CYP17A1: variants seen among roughly 807,000 people sequenced by gnomAD.
CYP17A1 encodes the protein steroid 17-alpha-hydroxylase/17,20 lyase.
CYP17A1 carries 27 observed loss-of-function variants against 38.5 expected under a neutral mutation model. The ratio of observed to expected loss-of-function variants is 0.70; its 90% CI spans 0.52 to 0.97. The LOEUF (loss-of-function observed/expected upper bound fraction) is 0.97, where lower values mean the gene tolerates loss of function less well. CYP17A1 is among the 50% of genes least tolerant of loss of function. The probability of loss-of-function intolerance (pLI) is 0.00; values close to 1 mark genes in which losing one functional copy is unlikely to be tolerated. For synonymous variants in CYP17A1, 263 were observed against 253.3 expected, an observed-to-expected ratio of 1.04 and a Z score of -0.36; for missense variants, 549 against 645.9, an observed-to-expected ratio of 0.85 and a Z score of 1.63.
Position 102,834,074 on chromosome 10 carries a change from G to T in CYP17A1, c.715C>A (p.Arg239=). ...LEKLKSHVKI[R]NDLLNKILEN... ...AGTATTTTATTCAGCAGATCATTTC[G>T]TATTTTAACATGGCTCTTTAATTTT... The change falls in exon 4 of 8, where the codon CGA becomes AGA. Residue 239 remains arginine (R), a synonymous_variant. Coordinates refer to ENST00000369887, the MANE Select transcript of CYP17A1 (RefSeq NM_000102.4). 2 of 1,334,956 alleles carry T rather than the reference G, an allele frequency of 1.5e-6. No homozygotes were observed. The highest frequency in any genetic ancestry group is 2.2e-6 in the Non-Finnish European group (2 of 925,102). The allele number at this position is 1,334,956 out of a possible 1,614,324, so 82.7% of individuals were successfully genotyped here. A position where few individuals can be genotyped will look rare whatever the true frequency, so the allele number is the denominator to read the frequency against.
chr10:102,832,585 G>T lies in CYP17A1; in HGVS notation c.1065C>A (p.Ala355=). The part of the protein sequence containing the change: ...SDRNRLLLLE[A]TIREVLRLRP... ...TGAGGCGAAGCACCTCTCGGATGGT[G>T]GCCTCCAGCAGGAGGAGACGGTTAC... Residue 355 remains alanine (A), a synonymous_variant, in exon 6 of 8, where the codon GCC becomes GCA. Coordinates refer to ENST00000369887, the MANE Select transcript of CYP17A1 (RefSeq NM_000102.4). 1.2e-6 allele frequency: 2 copies of T among 1,605,400 alleles called. No homozygotes were observed. Among genetic ancestry groups the T allele is most frequent in the Non-Finnish European group, 1.7e-6 (2 of 1,171,956 alleles).
In CYP17A1 at chr10:102,834,045, T is replaced by G; in HGVS notation, c.744A>C (p.Glu248Asp). Residue 248 changes from glutamate (E) to aspartate (D), a missense_variant, in exon 4 of 8, where the codon GAA becomes GAC. Transcript: ENST00000369887. ...IRNDLLNKIL[E>D]NYKEKFRSDS... ...CTGCTCTATCACCTACCTTGTAATT[T>G]TCAAGTATTTTATTCAGCAGATCAT... 6.9e-6 allele frequency: 8 copies of G among 1,159,346 alleles called. No homozygotes were observed. The highest frequency in any genetic ancestry group is 1.0e-5 in the Non-Finnish European group (8 of 764,204). 71.8% of individuals were successfully genotyped at this position (1,159,346 alleles called of 1,614,324 possible). A position where few individuals can be genotyped will look rare whatever the true frequency, so the allele number is the denominator to read the frequency against.
At chr10:102,836,036 C>A (rs1440830102) in intron 1 of CYP17A1, among the ~76,000 whole-genome samples, 3 of 152,160 alleles carry the variant, frequency 2.0e-5, no homozygotes, top group Non-Finnish European at 2.9e-5. Flanking sequence ...CCCTGAAGAT[C>A]CACATGACTA....
At position 102,834,096 on chromosome 10, in the gene CYP17A1, T is replaced by C; in HGVS notation, c.693A>G (p.Lys231=). ...LKIFPNKTLE[K]LKSHVKIRND... is the part of the protein sequence containing the mutation. ...TTCGTATTTTAACATGGCTCTTTAA[T>C]TTTTCCAGGGTTTTGTTGGGGAAAA... is the stretch of plus-strand genomic sequence containing the variant. The change falls in exon 4 of 8, where the codon AAA becomes AAG. Residue 231 remains lysine, a synonymous_variant. Transcript: ENST00000369887. 3 of 1,326,142 alleles carry C rather than the reference T, an allele frequency of 2.3e-6. No homozygotes were observed. The South Asian group carries it at 3.5e-5, about 16-fold the overall frequency. The allele number at this position is 1,326,142 out of a possible 1,614,324, so 82.1% of individuals were successfully genotyped here. A position where few individuals can be genotyped will look rare whatever the true frequency, so the allele number is the denominator to read the frequency against.
intron 4 of CYP17A1, 164 bp downstream of exon 4, chr10:102,833,872 G>A (rs768934024): frequency 2.9e-5 from 17 of 594,400 alleles, no homozygotes; most frequent in Admixed American, 1.4e-4. Context: ...GATTACAGGC[G>A]TGAGCCACCG....
chr10:102,833,328 T>A, intron 4 of CYP17A1, 120 bp from the exon 5 acceptor site: 1 of 1,573,330 alleles, frequency 6.4e-7, no homozygotes, highest in Non-Finnish European at 8.6e-7. Flanking sequence ...GTAGAGCAAG[T>A]CTGGGCAGGA....
chr10:102,835,700 C>T (rs1844153950), intron 1 of CYP17A1: 2 of 413,610 alleles, frequency 4.8e-6, no homozygotes, highest in South Asian at 2.1e-5. Context: ...TCTTTTTGCT[C>T]ATCAGTTTCT....
chr10:102,837,221 G>A lies in CYP17A1; in HGVS notation c.141C>T (p.Gly47=), dbSNP rs373956023. 1.2e-6 allele frequency: 2 copies of A among 1,609,512 alleles called. No individual in the cohort carries two copies. The highest frequency in any genetic ancestry group is 8.5e-7 in the Non-Finnish European group (1 of 1,175,798). Residue 47 remains glycine, a synonymous_variant, in exon 1 of 8, where the codon GGC becomes GGT. Transcript: ENST00000369887. The part of the protein sequence containing the change: ...VGSLPFLPRH[G]HMHNNFFKLQ... ...GCTTGAAGAAGTTGTTATGCATATG[G>A]CCGTGTCTGGGGAGGAATGGCAGGC... is the stretch of plus-strand genomic sequence containing the variant.
intron 6 of CYP17A1, among the ~76,000 whole-genome samples, chr10:102,832,077 T>C (rs1844097235): frequency 1.3e-5 from 2 of 151,808 alleles, no homozygotes; most frequent in African/African-American, 4.8e-5. Context: ...ATTTAATTAA[T>C]TAATTATTTA....
At chr10:102,831,369 T>A (rs1426280350) in intron 7 of CYP17A1, 139 bp downstream of exon 7, 1 of 1,395,130 alleles carries the variant, frequency 7.2e-7, no homozygotes, top group Non-Finnish European at 9.8e-7. Context: ...TATGGCAGGA[T>A]GAGGGTGTCA....
At position 102,837,119 on chromosome 10, in the gene CYP17A1, C is replaced by A. The variant is rs759770001; in HGVS notation, c.243G>T (p.Leu81=). ...CCTTCTTAATAAGCACCTCCTTGGC[C>A]AGCTGGTGGTGGCCGACAATCACTG... The part of the protein sequence containing the change: ...KTTVIVGHHQ[L]AKEVLIKKGK... Residue 81 remains leucine (L), a synonymous_variant, in exon 1 of 8, where the codon CTG becomes CTT. Transcript: ENST00000369887. 1 of 1,607,846 alleles carries A rather than the reference C, an allele frequency of 6.2e-7. No individual in the cohort carries two copies. Among genetic ancestry groups the A allele is most frequent in the South Asian group, 1.1e-5 (1 of 90,970 alleles).
In CYP17A1 at chr10:102,832,441, G is replaced by A; in HGVS notation, c.1139+70C>T. Reference sequence around the variant, plus strand: ...GGCCAGCAGGGGCCGGGGGTAGGGGGAGCCAGGTGGGCTGGCAAGCAGTGT... The same window carrying A: ...GGCCAGCAGGGGCCGGGGGTAGGGGAAGCCAGGTGGGCTGGCAAGCAGTGT... On this transcript the variant is annotated intron_variant, in intron 6 of 7. Coordinates refer to ENST00000369887, the MANE Select transcript of CYP17A1 (RefSeq NM_000102.4). The A allele has an allele frequency of 2.9e-6, 3 of 1,019,172 alleles. No individual in the cohort carries two copies. In the South Asian group the frequency reaches 3.8e-5, roughly 13 times the overall value. 63.1% of individuals were successfully genotyped at this position (1,019,172 alleles called of 1,614,324 possible).
In CYP17A1 at chr10:102,835,389, T is replaced by C; in HGVS notation, c.301A>G (p.Thr101Ala). The C allele has an allele frequency of 6.2e-7, 1 of 1,611,822 alleles. No homozygotes were observed. Among genetic ancestry groups the C allele is most frequent in the East Asian group, 2.2e-5 (1 of 44,864 alleles). Residue 101 changes from threonine (T) to alanine (A), a missense_variant, in exon 2 of 8, where the codon ACT (threonine) becomes GCT (alanine). Around this residue, in one of 3 missense-constraint regions of CYP17A1, gnomAD observed 289 missense variants for 320.9 expected, o/e 0.90. Transcript: ENST00000369887. ...CGGTTGTTGGACGCGATGTCTAGAG[T>C]TGCCTTTAGAGAGCAGGCAAGGCTG... ...KDFSGRPQMA[T>A]LDIASNNRKG...
chr10:102,835,979 G>GC (rs1047075839), intron 1 of CYP17A1, among the ~76,000 whole-genome samples: 4 of 152,132 alleles, frequency 2.6e-5, no homozygotes, highest in Non-Finnish European at 4.4e-5. Flanking sequence ...TCCTAGAGGT[G>GC]CCCCCCAAAG....
rs777542976 is a variant in CYP17A1, at chr10:102,833,109, C to T, written c.853G>A (p.Glu285Lys). Residue 285 changes from glutamate to lysine, a missense_variant, in exon 5 of 8, where the codon GAG (glutamate) becomes AAG (lysine). Glu to Lys is a moderately conservative substitution (Grantham distance 56, BLOSUM62 1). This residue lies in a region of CYP17A1 where 257 missense variants were observed against 307.9 expected (regional missense o/e 0.83). Coordinates refer to ENST00000369887, the MANE Select transcript of CYP17A1 (RefSeq NM_000102.4). ...AGAATGTGGTTATCTGAAAGCAGCT[C>T]TGAGTCTTGATCTGGGCCAGCATTG... ...NGNAGPDQDS[E>K]LLSDNHILTT... The T allele has an allele frequency of 3.7e-6, 6 of 1,614,058 alleles. No homozygotes were observed. In the African/African-American group the frequency reaches 8.0e-5, roughly 22 times the overall value.
chr10:102,832,099 A>G (rs1479372789), intron 6 of CYP17A1, among the ~76,000 whole-genome samples: 1 of 151,880 alleles, frequency 6.6e-6, no homozygotes, highest in African/African-American at 2.4e-5. Flanking sequence ...TTTGAGACAG[A>G]GTCCCGCTCT....
At chr10:102,832,372 G>A (rs1161267689) in intron 6 of CYP17A1, 139 bp downstream of exon 6, 24 of 713,976 alleles carry the variant, frequency 3.4e-5, no homozygotes, top group Admixed American at 5.8e-5. Context: ...GTGCCCGGCC[G>A]GCAGGATGAT....
rs1380329431 is a variant in CYP17A1 at position 102,832,535 on chromosome 10, G to A, written c.1115C>T (p.Pro372Leu). The A allele has an allele frequency of 1.2e-6, 2 of 1,611,058 alleles. No homozygotes were observed. Among genetic ancestry groups the A allele is most frequent in the Admixed American group, 3.3e-5 (2 of 59,992 alleles). Residue 372 changes from proline (P) to leucine (L), a missense_variant, in exon 6 of 8, where the codon CCC becomes CTC. Physicochemically the swap from Pro to Leu is moderately conservative, Grantham distance 98 (BLOSUM62 -3). This residue lies in a region of CYP17A1 where 257 missense variants were observed against 307.9 expected (regional missense o/e 0.83). Transcript: ENST00000369887. The part of the protein sequence containing the change: ...RLRPVAPMLI[P>L]HKANVDSSIG... ...CCTGGAGTCAACGTTGGCCTTGTGG[G>A]GGATGAGCATAGGGGCCACGGGCCT...
rs1306262498 is a variant in CYP17A1, at chr10:102,834,859, T to A, written c.592A>T (p.Ile198Leu). The change falls in exon 3 of 8, where the codon ATA becomes TTA. Residue 198 changes from isoleucine to leucine, a missense_variant. Ile to Leu is a conservative substitution (Grantham distance 5). This residue lies in a region of CYP17A1 where 289 missense variants were observed against 320.9 expected (regional missense o/e 0.90). Transcript: ENST00000369887. Reference protein sequence around the residue: ...YKNGDPELNVIQNYNEGIIDN... With the variant: ...YKNGDPELNVLQNYNEGIIDN... ...ATGATGCCTTCATTGTAATTCTGTA[T>A]GACATTCAACTCAGGGTCCCCATTC... 6.2e-7 allele frequency: 1 copy of A among 1,613,996 alleles called. No individual in the cohort carries two copies. Among genetic ancestry groups the A allele is most frequent in the African/African-American group, 1.3e-5 (1 of 74,894 alleles).
Sources: gnomAD v4.1 joint callset for allele counts (sites outside exome capture counted in the v4.1 genomes callset) on GRCh38, gnomAD v4.1.1 for gene constraint, gnomAD v4.1.1 regional missense constraint, MANE v1.5 for transcripts, NCBI Gene and HGNC (gene_info 2026-07-23, HGNC 2026-07-21) for gene names.